Variants in KDM8 observed in about 807,000 individuals in gnomAD.
The protein encoded by KDM8 is bifunctional peptidase and arginyl-hydroxylase JMJD5.
In KDM8, 35 loss-of-function variants were observed where a neutral mutation model predicts 46.9. That is an observed-to-expected ratio of 0.75 (90% CI 0.57 to 0.99). The LOEUF is 0.99. Among genes scored for constraint, KDM8 ranks in the 50% least tolerant of loss-of-function variants. The pLI is 0.00. For synonymous variants in KDM8, 232 were observed against 227.7 expected, an observed-to-expected ratio of 1.02 and a Z score of -0.17; for missense variants, 475 against 537.0, an observed-to-expected ratio of 0.88 and a Z score of 1.14.
At position 27,205,020 on chromosome 16, in the gene KDM8, C is replaced by T. The variant is rs147015606; in HGVS notation, c.-32+1384C>T. On this transcript the variant is annotated intron_variant, in intron 1 of 7. Coordinates refer to ENST00000286096, the MANE Select transcript of KDM8 (RefSeq NM_024773.3). ...CAGCCTGGGTGACAGAGCGAGACTC[C>T]GTCTCAAAAAAAATAATAAAAATAA... Among the ~76,000 whole-genome samples the T allele has an allele frequency of 1.3e-3, 195 of 151,958 alleles. 1 individual carries two copies. Among genetic ancestry groups the T allele is most frequent in the African/African-American group, 4.6e-3 (192 of 41,448 alleles).
In KDM8 at chr16:27,218,535, T is replaced by C. The variant is rs529970707; in HGVS notation, c.844-426T>C. Among the ~76,000 whole-genome samples the C allele has an allele frequency of 1.7e-4, 26 of 152,332 alleles. 1 individual carries two copies. In the East Asian group the frequency reaches 4.4e-3, roughly 26 times the overall value. On this transcript the variant is annotated intron_variant, in intron 5 of 7. Coordinates refer to ENST00000286096, the MANE Select transcript of KDM8 (RefSeq NM_024773.3). The stretch of plus-strand genomic sequence containing the variant: ...GGCAACAAATCCTCTGTGCCTACCC[T>C]GGCTTTTAAAACTAGGACGGCAAGG...
At chr16:27,206,097 C>A in intron 1 of KDM8, 1 of 288,654 alleles carries the variant, frequency 3.5e-6, no homozygotes, top group Non-Finnish European at 5.2e-6. Context: ...ATCTGTACAA[C>A]TCCCAATAAA....
At chr16:27,204,021 C>T in intron 1 of KDM8, 1 of 1,354,892 alleles carries the variant, frequency 7.4e-7, no homozygotes, top group Non-Finnish European at 1.0e-6. Flanking sequence ...GTGTCCGCTG[C>T]TTTTAGGCAA....
In KDM8 at chr16:27,220,394, T is replaced by G; in HGVS notation, c.995T>G (p.Val332Gly). The G allele has an allele frequency of 6.2e-7, 1 of 1,610,990 alleles. No homozygotes were observed. Among genetic ancestry groups the G allele is most frequent in the South Asian group, 1.1e-5 (1 of 90,988 alleles). The change falls in exon 7 of 8, where the codon GTG becomes GGG. Residue 332 changes from valine to glycine, a missense_variant and splice_region_variant. Coordinates refer to ENST00000286096, the MANE Select transcript of KDM8 (RefSeq NM_024773.3). ...QDPQQNFLVQ[V>G]MGRKYIRLYS... is the part of the protein sequence containing the mutation. The stretch of plus-strand genomic sequence containing the variant: ...GACTGTCAGGGTCTCTCTCCCCAGG[T>G]GATGGGGAGGAAGTACATCCGGCTG...
At chr16:27,216,167 T>C in intron 5 of KDM8, 178 bp downstream of exon 5, 1 of 649,718 alleles carries the variant, frequency 1.5e-6, no homozygotes, top group East Asian at 2.8e-5. Flanking sequence ...CAGGAAACAC[T>C]GGGGGGTCGC....
chr16:27,209,953 C>T lies in KDM8; in HGVS notation c.-31-140C>T, dbSNP rs1213467821. The T allele has an allele frequency of 8.3e-6, 7 of 841,550 alleles. No homozygotes were observed. The African/African-American group carries it at 1.2e-4, about 14-fold the overall frequency. 52.1% of individuals were successfully genotyped at this position (841,550 alleles called of 1,614,324 possible). Reference sequence around the variant, plus strand: ...AGTGGTGACCCCAGACAGATGAGGGCCCTCCCCTCCAGAGCTTCTGCCCAA... The same window carrying T: ...AGTGGTGACCCCAGACAGATGAGGGTCCTCCCCTCCAGAGCTTCTGCCCAA... On this transcript the variant is annotated intron_variant, in intron 1 of 7. Transcript: ENST00000286096.
intron 1 of KDM8, chr16:27,204,499 C>G (rs1318064450): frequency 7.8e-6 from 3 of 384,308 alleles, no homozygotes; most frequent in Non-Finnish European, 8.6e-6. Flanking sequence ...GGAATACTGC[C>G]ATAATAACAT....
chr16:27,214,194 G>A lies in KDM8; in HGVS notation c.665+443G>A, dbSNP rs990772008. On this transcript the variant is annotated intron_variant, in intron 3 of 7. Transcript: ENST00000286096. The stretch of plus-strand genomic sequence containing the variant: ...GGAGATCAGATCAGGCAGCTGGAGC[G>A]TGGCTGTCATGCCGCGGCTCTGCAT... 11 of 157,190 alleles carry A rather than the reference G, an allele frequency of 7.0e-5. No homozygotes were observed. In the East Asian group the frequency reaches 1.7e-3, roughly 24 times the overall value. 9.7% of individuals were successfully genotyped at this position (157,190 alleles called of 1,614,324 possible).
chr16:27,205,569 T>TGGC lies in KDM8; in HGVS notation c.-32+1937_-32+1939dup, dbSNP rs534445282. On this transcript the variant is annotated intron_variant, in intron 1 of 7. Coordinates refer to ENST00000286096, the MANE Select transcript of KDM8 (RefSeq NM_024773.3). ...AATAAAGCCTTCTCTGGGCCGGGCG[T>TGGC]GGCGGCTCACACCTGTAATCTGAGC... Among the ~76,000 whole-genome samples the TGGC allele has an allele frequency of 3.7e-3, 566 of 152,092 alleles. 4 individuals are homozygous for TGGC. The highest frequency in any genetic ancestry group is 4.8e-3 in the Non-Finnish European group (325 of 67,992).
At chr16:27,208,495 A>T (rs1377061380) in intron 1 of KDM8, among the ~76,000 whole-genome samples, 1 of 152,178 alleles carries the variant, frequency 6.6e-6, no homozygotes, top group Non-Finnish European at 1.5e-5. Context: ...CCATCAAGAG[A>T]CAGGTTTACA....
chr16:27,208,982 T>C (rs2083453793), intron 1 of KDM8, among the ~76,000 whole-genome samples: 1 of 152,256 alleles, frequency 6.6e-6, no homozygotes, highest in South Asian at 2.1e-4. Flanking sequence ...GAGCTCACCC[T>C]TGAAGGCAAT....
At chr16:27,205,858 C>A (rs918021969) in intron 1 of KDM8, among the ~76,000 whole-genome samples, 4 of 152,108 alleles carry the variant, frequency 2.6e-5, no homozygotes, top group Non-Finnish European at 5.9e-5. Flanking sequence ...AATAAAAAAA[C>A]CTTCTGTGAT....
At chr16:27,212,009 C>T (rs765770869) in intron 2 of KDM8, among the ~76,000 whole-genome samples, 2 of 152,046 alleles carry the variant, frequency 1.3e-5, no homozygotes, top group African/African-American at 2.4e-5. Context: ...AACACACAGG[C>T]ATGTAACCAA....
chr16:27,207,014 A>G (rs2083435325), intron 1 of KDM8, among the ~76,000 whole-genome samples: 2 of 152,252 alleles, frequency 1.3e-5, no homozygotes, highest in Non-Finnish European at 2.9e-5. Context: ...CTTTCCTGGC[A>G]CAATGAAGAA....
Position 27,220,781 on chromosome 16 carries a change from A to G in KDM8, c.*51A>G. 1.3e-6 allele frequency: 2 copies of G among 1,598,728 alleles called. No individual in the cohort carries two copies. The highest frequency in any genetic ancestry group is 2.2e-5 in the East Asian group (1 of 44,810). On this transcript the variant is annotated 3_prime_UTR_variant, in exon 8 of 8. Transcript: ENST00000286096. ...ACATGCAGACAGCATTCATCTGTTC[A>G]CTAATTTCCTGGGTCCTGGAATCTA... is the stretch of plus-strand genomic sequence containing the variant.
chr16:27,205,238 A>G (rs1490494856), intron 1 of KDM8, among the ~76,000 whole-genome samples: 7 of 152,214 alleles, frequency 4.6e-5, no homozygotes, highest in Admixed American at 2.6e-4. Flanking sequence ...TACGACCAAC[A>G]AGAAGGCTTT....
Position 27,210,300 on chromosome 16 carries a change from C to T in KDM8, c.177C>T (p.Gly59=), listed in dbSNP as rs2083469046. The change falls in exon 2 of 8, where the codon GGC becomes GGT. Residue 59 remains glycine, a synonymous_variant. Transcript: ENST00000286096. Reference sequence around the variant, plus strand: ...GAGCCACTGAGCTCTTCTACGAGGGCAGGAGGGACGAGTGTCTGCAGAGCA... The same window carrying T: ...GAGCCACTGAGCTCTTCTACGAGGGTAGGAGGGACGAGTGTCTGCAGAGCA... ...LQRATELFYE[G]RRDECLQSSE... is the part of the protein sequence containing the mutation. 6.2e-7 allele frequency: 1 copy of T among 1,613,164 alleles called. No homozygotes were observed. Among genetic ancestry groups the T allele is most frequent in the African/African-American group, 1.3e-5 (1 of 74,934 alleles).
Position 27,213,747 on chromosome 16 carries a change from T to G in KDM8, c.661T>G (p.Trp221Gly). The change falls in exon 3 of 8, where the codon TGG becomes GGG. Residue 221 changes from tryptophan to glycine, a missense_variant. Trp to Gly is a radical substitution (Grantham distance 184). Transcript: ENST00000286096. The part of the protein sequence containing the change: ...VADHWPCMQK[W>G]SLEYIQEIAG... ...TGACCACTGGCCGTGCATGCAGAAGTGGAGGTGGGTGGTCGCTGAGGGAGG... is the reference window on the plus strand; with the variant it reads ...TGACCACTGGCCGTGCATGCAGAAGGGGAGGTGGGTGGTCGCTGAGGGAGG... The G allele has an allele frequency of 6.2e-7, 1 of 1,613,562 alleles. No homozygotes were observed. Among genetic ancestry groups the G allele is most frequent in the African/African-American group, 1.3e-5 (1 of 75,000 alleles).
At position 27,204,142 on chromosome 16, in the gene KDM8, G is replaced by C. The variant is rs776055682; in HGVS notation, c.-32+506G>C. On this transcript the variant is annotated intron_variant, in intron 1 of 7. Transcript: ENST00000286096. ...GGGGAAGGCGCTGAGGAGGGAAGGG[G>C]GTCTGAGGCCTCGGGGCTCAAGGCC... 6.6e-5 allele frequency: 101 copies of C among 1,534,278 alleles called. No individual in the cohort carries two copies. The highest frequency in any genetic ancestry group is 8.7e-5 in the Non-Finnish European group (99 of 1,139,484).
Sources: gnomAD v4.1 joint callset for allele counts (sites outside exome capture counted in the v4.1 genomes callset) on GRCh38, gnomAD v4.1.1 for gene constraint, MANE v1.5 for transcripts, NCBI Gene and HGNC (gene_info 2026-07-23, HGNC 2026-07-21) for gene names.